Variants in PRKAR1B observed in about 807,000 individuals in gnomAD.
PRKAR1B encodes the protein cAMP-dependent protein kinase type I-beta regulatory subunit.
PRKAR1B carries 22 observed loss-of-function variants against 46.5 expected under a neutral mutation model. The ratio of observed to expected loss-of-function variants is 0.47; its 90% CI spans 0.34 to 0.68. The LOEUF (loss-of-function observed/expected upper bound fraction) is 0.68, where lower values mean the gene tolerates loss of function less well. Among genes scored for constraint, PRKAR1B ranks in the 30% least tolerant of loss-of-function variants. The pLI, the probability that PRKAR1B is intolerant of heterozygous loss-of-function variation, is 0.01. For synonymous variants in PRKAR1B, 259 were observed against 217.7 expected (o/e 1.19, Z -1.67); for missense variants, 445 against 535.6 (o/e 0.83, Z 1.67).
chr7:720,656 G>C (rs1020051300), intron 1 of PRKAR1B, among the ~76,000 whole-genome samples: 8 of 152,124 alleles, frequency 5.3e-5, no homozygotes, highest in African/African-American at 1.4e-4. Context: ...ACATGTTGAA[G>C]GTCTGTTGTT....
rs531494819 is a variant in PRKAR1B, at chr7:648,002, C to T, written c.440+29227G>A. Among the ~76,000 whole-genome samples, 20 of 151,438 alleles carry T rather than the reference C, an allele frequency of 1.3e-4. No homozygotes were observed. The South Asian group carries it at 1.5e-3, about 11-fold the overall frequency. ...CTCTACAAAAAATTTAAAAATTAGC[C>T]GGGTGTGGTGGTGCGCACCTGTGGT... On this transcript the variant is annotated intron_variant, in intron 4 of 10. Coordinates refer to ENST00000537384, the MANE Select transcript of PRKAR1B (RefSeq NM_001164760.2).
intron 9 of PRKAR1B, among the ~76,000 whole-genome samples, chr7:573,904 C>T (rs992991566): frequency 1.3e-5 from 2 of 152,204 alleles, no homozygotes; most frequent in African/African-American, 4.8e-5. Context: ...ATGTGGAGGG[C>T]GTGGCTGGCA....
intron 8 of PRKAR1B, among the ~76,000 whole-genome samples, chr7:584,235 G>A (rs1780471741): frequency 6.6e-6 from 1 of 152,246 alleles, no homozygotes; most frequent in Non-Finnish European, 1.5e-5. Context: ...GGGAGAAGCA[G>A]ACAGGAAACG....
chr7:644,654 C>T lies in PRKAR1B; in HGVS notation c.440+32575G>A, dbSNP rs1784540993. 6.6e-6 allele frequency among the ~76,000 whole-genome samples: 1 copy of T among 152,208 alleles called. No individual in the cohort carries two copies. Among genetic ancestry groups the T allele is most frequent in the Non-Finnish European group, 1.5e-5 (1 of 68,036 alleles). ...GCCTCAGCAGCTGAGCGTCCACCCC[C>T]AGGCCTCCGGACAGGGAGACTTTCA... On this transcript the variant is annotated intron_variant, in intron 4 of 10. Transcript: ENST00000537384. This position sits in a 1 kb window ranked among gnomAD's most constrained non-coding sequence, Gnocchi z 4.9.
At chr7:702,079 C>T (rs77575193) in intron 2 of PRKAR1B, among the ~76,000 whole-genome samples, 1 of 152,006 alleles carries the variant, frequency 6.6e-6, no homozygotes, top group Non-Finnish European at 1.5e-5. Flanking sequence ...AAAGATGATA[C>T]GTACAACAAC....
chr7:723,906 T>G (rs570082540), intron 1 of PRKAR1B, among the ~76,000 whole-genome samples: 8 of 152,312 alleles, frequency 5.3e-5, no homozygotes, highest in African/African-American at 1.9e-4. Context: ...AAGATCAGGG[T>G]ACGGGCTGGC....
intron 4 of PRKAR1B, among the ~76,000 whole-genome samples, chr7:670,992 C>T (rs975464142): frequency 6.6e-6 from 1 of 152,248 alleles, no homozygotes; most frequent in Non-Finnish European, 1.5e-5. Context: ...CCGACCTCGG[C>T]GCTCTCAGTG....
intron 4 of PRKAR1B, among the ~76,000 whole-genome samples, chr7:655,623 T>C (rs1280534413): frequency 6.6e-6 from 1 of 152,186 alleles, no homozygotes; most frequent in Non-Finnish European, 1.5e-5. Context: ...AGAAAAGAGT[T>C]GAGTAAAGCC....
At chr7:710,698 T>G (rs947455723) in intron 2 of PRKAR1B, among the ~76,000 whole-genome samples, 5 of 146,348 alleles carry the variant, frequency 3.4e-5, no homozygotes, top group African/African-American at 1.0e-4. Context: ...CAGGCTGGAG[T>G]GCAGTGGTGC....
chr7:576,031 CCT>C (rs897694655), intron 9 of PRKAR1B, among the ~76,000 whole-genome samples: 1 of 151,432 alleles, frequency 6.6e-6, no homozygotes, highest in Non-Finnish European at 1.5e-5. Flanking sequence ...ATGCTGGCAT[CCT>C]CTCCTCTGCA....
chr7:580,276 G>A (rs984609680), intron 8 of PRKAR1B, among the ~76,000 whole-genome samples: 13 of 151,460 alleles, frequency 8.6e-5, no homozygotes, highest in Non-Finnish European at 1.6e-4. Context: ...AAAACTGGCC[G>A]GGTGCAGTGG....
chr7:647,996 A>G (rs1216291397), intron 4 of PRKAR1B, among the ~76,000 whole-genome samples: 3 of 151,674 alleles, frequency 2.0e-5, no homozygotes, highest in African/African-American at 4.8e-5. Context: ...AAATTTAAAA[A>G]TTAGCCGGGT....
intron 4 of PRKAR1B, among the ~76,000 whole-genome samples, chr7:612,869 T>C (rs1782605051): frequency 1.3e-5 from 2 of 152,140 alleles, no homozygotes; most frequent in African/African-American, 4.8e-5. Flanking sequence ...TGTGTGTGTG[T>C]AATAATATTC....
chr7:620,571 A>T (rs1261803630), intron 4 of PRKAR1B, among the ~76,000 whole-genome samples: 1 of 152,142 alleles, frequency 6.6e-6, no homozygotes, highest in Non-Finnish European at 1.5e-5. Context: ...CCGTATTTTT[A>T]AATTTTCTTT....
intron 4 of PRKAR1B, among the ~76,000 whole-genome samples, chr7:660,676 C>T (rs1178966194): frequency 3.8e-5 from 5 of 131,896 alleles, no homozygotes; most frequent in Non-Finnish European, 6.5e-5. Flanking sequence ...CCCCCCATGC[C>T]ACAGGTCCCC....
At chr7:585,391 C>A (rs568927882) in intron 7 of PRKAR1B, among the ~76,000 whole-genome samples, 4 of 152,086 alleles carry the variant, frequency 2.6e-5, no homozygotes, top group African/African-American at 9.7e-5. Flanking sequence ...ACGGTGGGTA[C>A]GATTCAGCAC....
rs573371796 is a variant in PRKAR1B at position 715,908 on chromosome 7, G to A, written c.-22-4381C>T. 1.8e-4 allele frequency among the ~76,000 whole-genome samples: 27 copies of A among 152,110 alleles called. No individual in the cohort carries two copies. The East Asian group carries it at 4.3e-3, about 24-fold the overall frequency. On this transcript the variant is annotated intron_variant, in intron 1 of 10. Transcript: ENST00000537384. Reference sequence around the variant, plus strand: ...TTTTTTGTATTTTTAGTAGAGATGGGGTTTCACCGTGTTAGCCAGGATGGT... The same window carrying A: ...TTTTTTGTATTTTTAGTAGAGATGGAGTTTCACCGTGTTAGCCAGGATGGT...
chr7:704,528 C>T (rs749668178), intron 2 of PRKAR1B, among the ~76,000 whole-genome samples: 29 of 152,214 alleles, frequency 1.9e-4, no homozygotes, highest in Non-Finnish European at 4.0e-4. Context: ...GTAATCCCAG[C>T]GCTTTGGGAG....
intron 8 of PRKAR1B, among the ~76,000 whole-genome samples, chr7:583,880 T>A (rs1311828323): frequency 6.6e-6 from 1 of 152,204 alleles, no homozygotes; most frequent in Non-Finnish European, 1.5e-5. Context: ...CTGCCTGCTC[T>A]AGCCCAAGGA....
Sources: allele counts gnomAD v4.1 joint callset (sites outside exome capture counted in the v4.1 genomes callset), GRCh38; gene constraint gnomAD v4.1.1; non-coding constraint Gnocchi (gnomAD v3.1); transcripts MANE v1.5; gene names NCBI Gene and HGNC (gene_info 2026-07-23, HGNC 2026-07-21).